The following FHOD3 variants were observed in gnomAD, a reference collection of about 807,000 sequenced individuals.
FHOD3 encodes FH1/FH2 domain-containing protein 3.
FHOD3 carries 90 observed loss-of-function variants against 173.0 expected under a neutral mutation model. The ratio of observed to expected loss-of-function variants is 0.52; its 90% CI spans 0.44 to 0.62. The LOEUF (loss-of-function observed/expected upper bound fraction) is 0.62, where lower values mean the gene tolerates loss of function less well. FHOD3 is among the 20% of genes least tolerant of loss of function. The probability of loss-of-function intolerance (pLI) is 0.00; values close to 1 mark genes in which losing one functional copy is unlikely to be tolerated. For missense variants in FHOD3, 1,945 were observed against 2,034.7 expected, an observed-to-expected ratio of 0.96 and a Z score of 0.85; for synonymous variants, 828 against 823.0, an observed-to-expected ratio of 1.01 and a Z score of -0.10.
intron 3 of FHOD3, among the ~76,000 whole-genome samples, chr18:36,389,100 A>G (rs373703791): frequency 8.5e-5 from 13 of 152,202 alleles, no homozygotes; most frequent in African/African-American, 2.9e-4. Context: ...GATATAGGAC[A>G]TCTGAATCTT....
intron 1 of FHOD3, among the ~76,000 whole-genome samples, chr18:36,328,494 G>A (rs965238810): frequency 6.6e-6 from 1 of 152,148 alleles, no homozygotes; most frequent in Non-Finnish European, 1.5e-5. Context: ...ACCGGGAAGG[G>A]GAAGTCCGTA....
chr18:36,466,235 C>T (rs1468617592), intron 3 of FHOD3, among the ~76,000 whole-genome samples: 1 of 152,174 alleles, frequency 6.6e-6, no homozygotes, highest in African/African-American at 2.4e-5. Flanking sequence ...AATTTGCATT[C>T]AAGTCCTCAG....
chr18:36,426,385 C>G (rs1279093511), intron 3 of FHOD3, among the ~76,000 whole-genome samples: 1 of 152,122 alleles, frequency 6.6e-6, no homozygotes, highest in African/African-American at 2.4e-5. Context: ...TGGGTGCTGA[C>G]AGCATTTAGC....
intron 1 of FHOD3, among the ~76,000 whole-genome samples, chr18:36,342,106 A>T (rs1157602678): frequency 6.6e-6 from 1 of 152,248 alleles, no homozygotes; most frequent in Non-Finnish European, 1.5e-5. Flanking sequence ...ATGGTTCAAC[A>T]GAAAATTAGA....
intron 5 of FHOD3, among the ~76,000 whole-genome samples, chr18:36,564,123 G>A (rs182432016): frequency 1.8e-4 from 28 of 152,188 alleles, no homozygotes; most frequent in African/African-American, 6.0e-4. Context: ...ACATGAGCGC[G>A]AATGAGACAG....
chr18:36,683,187 TAGAA>T (rs1300638560), intron 15 of FHOD3, among the ~76,000 whole-genome samples: 1 of 152,236 alleles, frequency 6.6e-6, no homozygotes, highest in East Asian at 1.9e-4. Context: ...TTGTCACTTT[TAGAA>T]AGGCCAATTT....
In FHOD3 at chr18:36,514,231, G is replaced by A. The variant is rs190438078; in HGVS notation, c.511+1688G>A. Among the ~76,000 whole-genome samples, 1,018 of 152,022 alleles carry A rather than the reference G, an allele frequency of 6.7e-3. 8 individuals are homozygous for A. The highest frequency in any genetic ancestry group is 0.011 in the Non-Finnish European group (761 of 67,992). On this transcript the variant is annotated intron_variant, in intron 5 of 28. Coordinates refer to ENST00000590592, the MANE Select transcript of FHOD3 (RefSeq NM_001281740.3). ...TCACCTTGTTAGCCAGGATGGTCTC[G>A]TTCTCCTGACCTCATGATCCGCCGG...
At chr18:36,669,988 A>G (rs917018864) in intron 14 of FHOD3, among the ~76,000 whole-genome samples, 2 of 151,928 alleles carry the variant, frequency 1.3e-5, no homozygotes, top group African/African-American at 4.8e-5. Context: ...TTTTTGAAAG[A>G]CAGTTATTGC....
Position 36,780,073 on chromosome 18 carries a change from T to C in FHOD3, c.*543T>C. ...TTAATGCCATAATGAGAAACTTTTA[T>C]TCTTCTGGGAACAGGACCTTAAACA... On this transcript the variant is annotated 3_prime_UTR_variant, in exon 29 of 29. Coordinates refer to ENST00000590592, the MANE Select transcript of FHOD3 (RefSeq NM_001281740.3). The C allele has an allele frequency of 3.6e-6, 4 of 1,119,588 alleles. No homozygotes were observed. In the East Asian group the frequency reaches 9.6e-5, roughly 27 times the overall value. The allele number at this position is 1,119,588 out of a possible 1,614,324, so 69.4% of individuals were successfully genotyped here.
intron 3 of FHOD3, among the ~76,000 whole-genome samples, chr18:36,444,596 C>G (rs1273078419): frequency 1.3e-5 from 2 of 152,142 alleles, no homozygotes; most frequent in Admixed American, 6.5e-5. Context: ...GATAACTAGT[C>G]TCCTTTCTGG....
rs908818997 is a variant in FHOD3 at position 36,625,559 on chromosome 18, A to G, written c.1006A>G (p.Ser336Gly). 1 of 1,514,184 alleles carries G rather than the reference A, an allele frequency of 6.6e-7. No individual in the cohort carries two copies. The highest frequency in any genetic ancestry group is 8.9e-7 in the Non-Finnish European group (1 of 1,120,722). 93.8% of individuals were successfully genotyped at this position (1,514,184 alleles called of 1,614,324 possible). A position where few individuals can be genotyped will look rare whatever the true frequency, so the allele number is the denominator to read the frequency against. ...CGATGAGACCACGGAGCCACCCCCC[A>G]GTGGGTGCCGGGACCGGAGGAGGGC... Reference protein sequence around the residue: ...DGDETTEPPPSGCRDRRRASV... With the variant: ...DGDETTEPPPGGCRDRRRASV... Residue 336 changes from serine to glycine, a missense_variant, in exon 10 of 29, where the codon AGT (serine) becomes GGT (glycine). Coordinates refer to ENST00000590592, the MANE Select transcript of FHOD3 (RefSeq NM_001281740.3).
At chr18:36,769,815 G>A (rs1396405848) in intron 28 of FHOD3, among the ~76,000 whole-genome samples, 1 of 152,126 alleles carries the variant, frequency 6.6e-6, no homozygotes, top group African/African-American at 2.4e-5. Flanking sequence ...CCCAGCACCA[G>A]GGGGCGCTTG....
At chr18:36,629,698 C>T (rs948918254) in intron 10 of FHOD3, among the ~76,000 whole-genome samples, 5 of 151,908 alleles carry the variant, frequency 3.3e-5, no homozygotes, top group Admixed American at 2.6e-4. Flanking sequence ...CATGAGTTCC[C>T]AGGGCACAGA....
intron 27 of FHOD3, among the ~76,000 whole-genome samples, chr18:36,761,960 C>G (rs1012667457): frequency 6.6e-6 from 1 of 151,952 alleles, no homozygotes; most frequent in Non-Finnish European, 1.5e-5. Context: ...CACAGAAATG[C>G]AGTAGTGAGT....
At chr18:36,460,955 A>G (rs2052513475) in intron 3 of FHOD3, among the ~76,000 whole-genome samples, 1 of 152,166 alleles carries the variant, frequency 6.6e-6, no homozygotes, top group African/African-American at 2.4e-5. Flanking sequence ...GGCATAGCAG[A>G]TGAAAGTTGT....
rs1020516985 is a variant in FHOD3 at position 36,642,128 on chromosome 18, G to A, written c.1197-7188G>A. Among the ~76,000 whole-genome samples, 7 of 152,034 alleles carry A rather than the reference G, an allele frequency of 4.6e-5. No individual in the cohort carries two copies. The South Asian group carries it at 1.5e-3, about 32-fold the overall frequency. ...CATAGAGGGGAACAACAGATACTAG[G>A]ACCTACCTGAGGGCAAAGGATGGGA... On this transcript the variant is annotated intron_variant, in intron 10 of 28. Coordinates refer to ENST00000590592, the MANE Select transcript of FHOD3 (RefSeq NM_001281740.3).
At chr18:36,681,642 A>T (rs1600220653) in intron 15 of FHOD3, 72 bp downstream of exon 15, 1 of 1,483,486 alleles carries the variant, frequency 6.7e-7, no homozygotes, top group East Asian at 2.4e-5. Flanking sequence ...ACAACTGTAT[A>T]CATTTAATAT....
chr18:36,612,549 C>G (rs969285364), intron 9 of FHOD3, among the ~76,000 whole-genome samples: 8 of 152,154 alleles, frequency 5.3e-5, no homozygotes, highest in African/African-American at 1.9e-4. Flanking sequence ...AGCAAAAGTG[C>G]TGTTAAAGAT....
intron 5 of FHOD3, among the ~76,000 whole-genome samples, chr18:36,534,905 C>T (rs568833188): frequency 8.5e-5 from 13 of 152,212 alleles, no homozygotes; most frequent in Admixed American, 3.3e-4. Flanking sequence ...TCAAAACACT[C>T]AGGAACATCT....
Sources: allele counts gnomAD v4.1 joint callset (sites outside exome capture counted in the v4.1 genomes callset), GRCh38; gene constraint gnomAD v4.1.1; transcripts MANE v1.5; gene names NCBI Gene and HGNC (gene_info 2026-07-23, HGNC 2026-07-21).